The following ARB2A variants were observed in gnomAD, a reference collection of about 807,000 sequenced individuals.
The protein encoded by ARB2A is cotranscriptional regulator ARB2A.
chr5:93,889,291 T>A, the ARB2A span, among the ~76,000 whole-genome samples: 10 of 151,858 alleles, frequency 6.6e-5, no homozygotes, highest in Admixed American at 4.6e-4. Context: ...TTTGTGCGTG[T>A]GTGCATGTTG....
the ARB2A span, among the ~76,000 whole-genome samples, chr5:94,041,808 G>A: frequency 6.6e-6 from 1 of 152,096 alleles, no homozygotes; most frequent in Non-Finnish European, 1.5e-5. Flanking sequence ...TGGGAAATGT[G>A]GAGTTAGCCA....
chr5:93,858,359 T>G, the ARB2A span, among the ~76,000 whole-genome samples: 2 of 152,212 alleles, frequency 1.3e-5, no homozygotes, highest in Admixed American at 6.5e-5. Context: ...TGAGCCATTC[T>G]TTGTCAGTTA....
chr5:94,094,625 G>T, the ARB2A span, among the ~76,000 whole-genome samples: 2 of 152,128 alleles, frequency 1.3e-5, no homozygotes, highest in Admixed American at 1.3e-4. Context: ...CAACAATGTG[G>T]TATGTTTATC....
chr5:93,738,048 G>A, the ARB2A span: 1 of 344,026 alleles, frequency 2.9e-6, no homozygotes, highest in Non-Finnish European at 5.6e-6. Context: ...CAGAATGGGA[G>A]AAAATACTTG....
chr5:93,804,709 G>A, the ARB2A span: 1 of 212,152 alleles, frequency 4.7e-6, no homozygotes, highest in South Asian at 1.7e-4. Context: ...GTAAGAGACA[G>A]CTAGTAGATT....
At chr5:93,917,858 AC>A in the ARB2A span, among the ~76,000 whole-genome samples, 1 of 152,114 alleles carries the variant, frequency 6.6e-6, no homozygotes, top group African/African-American at 2.4e-5. Context: ...AGCCTGAATA[AC>A]AGAGTCAAAC....
the ARB2A span, among the ~76,000 whole-genome samples, chr5:93,833,958 C>T: frequency 2.0e-5 from 3 of 152,130 alleles, no homozygotes; most frequent in East Asian, 5.8e-4. Flanking sequence ...TAGTATTCAA[C>T]AGTTAGTATT....
the ARB2A span, among the ~76,000 whole-genome samples, chr5:93,731,653 T>C: frequency 6.6e-6 from 1 of 152,194 alleles, no homozygotes; most frequent in Non-Finnish European, 1.5e-5. Flanking sequence ...AGGAACATTA[T>C]CATCCATTCT....
the ARB2A span, among the ~76,000 whole-genome samples, chr5:93,779,012 AAGTG>A: frequency 1.3e-4 from 20 of 152,010 alleles, 1 homozygote; most frequent in Admixed American, 5.2e-4. Context: ...CCTATAATTA[AAGTG>A]AGTATGTCCA....
the ARB2A span, among the ~76,000 whole-genome samples, chr5:93,821,219 G>C: frequency 6.6e-6 from 1 of 151,966 alleles, no homozygotes; most frequent in African/African-American, 2.4e-5. Context: ...ACATAACGAA[G>C]AATGTGAACT....
At chr5:93,881,806 T>C in the ARB2A span, 1 of 529,662 alleles carries the variant, frequency 1.9e-6, no homozygotes, top group Non-Finnish European at 3.1e-6. Context: ...TTCATTAAAA[T>C]ACTCCTTTAG....
At chr5:93,709,360 C>A in the ARB2A span, among the ~76,000 whole-genome samples, 7 of 151,858 alleles carry the variant, frequency 4.6e-5, no homozygotes, top group Admixed American at 3.3e-4. Context: ...GAGGGCCAGG[C>A]GCGGTGGCTC....
At chr5:94,065,214 G>T in the ARB2A span, among the ~76,000 whole-genome samples, 1 of 152,248 alleles carries the variant, frequency 6.6e-6, no homozygotes, top group African/African-American at 2.4e-5. Flanking sequence ...AAAGAACAGG[G>T]ATGGAGAAAG....
chr5:93,849,164 C>T, the ARB2A span, among the ~76,000 whole-genome samples: 1 of 151,956 alleles, frequency 6.6e-6, no homozygotes, highest in Non-Finnish European at 1.5e-5. Context: ...GGGAGCACGT[C>T]GTAGCTCAAA....
the ARB2A span, chr5:93,784,639 T>C: frequency 6.5e-6 from 4 of 613,908 alleles, no homozygotes; most frequent in African/African-American, 7.5e-5. Context: ...TACTCTTTTT[T>C]TGCATTGAAC....
chr5:93,949,406 C>T, the ARB2A span, among the ~76,000 whole-genome samples: 6 of 151,724 alleles, frequency 4.0e-5, no homozygotes, highest in African/African-American at 1.5e-4. Context: ...ACTAAAAATA[C>T]AAAAATTAGC....
the ARB2A span, among the ~76,000 whole-genome samples, chr5:93,690,775 G>C: frequency 4.5e-4 from 68 of 152,252 alleles, no homozygotes; most frequent in African/African-American, 1.6e-3. Context: ...CTCCCAGCAG[G>C]GGTTGATAGA....
At chr5:93,785,636 T>C in the ARB2A span, among the ~76,000 whole-genome samples, 2 of 152,156 alleles carry the variant, frequency 1.3e-5, no homozygotes, top group African/African-American at 4.8e-5. Context: ...GCTGTCTCAA[T>C]GAATACTACC....
chr5:93,885,840 T>C, the ARB2A span, among the ~76,000 whole-genome samples: 8 of 151,734 alleles, frequency 5.3e-5, no homozygotes, highest in Non-Finnish European at 1.0e-4. Context: ...GTGATTTAAA[T>C]AGAATACACA....
Sources: gnomAD v4.1 joint callset for allele counts (sites outside exome capture counted in the v4.1 genomes callset) on GRCh38, gnomAD v4.1.1 for gene constraint, MANE v1.5 for transcripts, NCBI Gene and HGNC (gene_info 2026-07-23, HGNC 2026-07-21) for gene names.